The following IL1RAPL2 variants were observed in gnomAD, a reference collection of about 807,000 sequenced individuals.
The protein encoded by IL1RAPL2 is X-linked interleukin-1 receptor accessory protein-like 2.
In IL1RAPL2, 3 loss-of-function variants were observed where a neutral mutation model predicts 44.1. That is an observed-to-expected ratio of 0.07 (90% CI 0.03 to 0.18). The LOEUF (loss-of-function observed/expected upper bound fraction) is 0.18, where lower values mean the gene tolerates loss of function less well. Among genes scored for constraint, IL1RAPL2 ranks in the 10% least tolerant of loss-of-function variants. The probability of loss-of-function intolerance (pLI) is 1.00; values close to 1 mark genes in which losing one functional copy is unlikely to be tolerated. For synonymous variants in IL1RAPL2, 181 were observed against 178.8 expected, an observed-to-expected ratio of 1.01 and a Z score of -0.10; for missense variants, 391 against 496.4, an observed-to-expected ratio of 0.79 and a Z score of 2.02.
At chrX:105,634,750 T>G (rs764514296) in intron 6 of IL1RAPL2, among the ~76,000 whole-genome samples, 1 of 111,393 alleles carries the variant, frequency 9.0e-6, no homozygotes, top group Non-Finnish European at 1.9e-5. Flanking sequence ...TCACTAGTAG[T>G]CATAATAGTA....
At chrX:105,553,700 G>A (rs369884626) in intron 6 of IL1RAPL2, among the ~76,000 whole-genome samples, 6 of 111,602 alleles carry the variant, frequency 5.4e-5, no homozygotes, top group East Asian at 5.6e-4. Flanking sequence ...AAAACAAAAC[G>A]TTTCATGTAC....
intron 5 of IL1RAPL2, among the ~76,000 whole-genome samples, chrX:105,471,968 T>C (rs2036168415): frequency 9.0e-6 from 1 of 110,572 alleles, no homozygotes; most frequent in Non-Finnish European, 1.9e-5. Context: ...CTCAGAGCAG[T>C]TTTCACACCT....
intron 5 of IL1RAPL2, among the ~76,000 whole-genome samples, chrX:105,358,880 C>CA (rs2035227537): frequency 9.0e-6 from 1 of 111,377 alleles, no homozygotes; most frequent in Admixed American, 9.6e-5. Flanking sequence ...AAGTGAAAGA[C>CA]AAAATTGAGC....
chrX:105,605,141 A>T (rs1368276123), intron 6 of IL1RAPL2, among the ~76,000 whole-genome samples: 1 of 111,266 alleles, frequency 9.0e-6, no homozygotes, highest in Non-Finnish European at 1.9e-5. Flanking sequence ...CCAAATAGGA[A>T]AGGAGCAAAA....
intron 5 of IL1RAPL2, among the ~76,000 whole-genome samples, chrX:105,389,976 T>C (rs1016328308): frequency 9.0e-6 from 1 of 111,047 alleles, no homozygotes; most frequent in Non-Finnish European, 1.9e-5. Flanking sequence ...GTGAGACATA[T>C]ATAGCTCAGG....
chrX:105,321,655 A>G (rs1470870024), intron 5 of IL1RAPL2, among the ~76,000 whole-genome samples: 1 of 112,069 alleles, frequency 8.9e-6, no homozygotes, highest in African/African-American at 3.2e-5. Flanking sequence ...TGTCGGATGA[A>G]TTTATGGATT....
chrX:104,919,295 G>A (rs1404963450), intron 2 of IL1RAPL2, among the ~76,000 whole-genome samples: 3 of 106,418 alleles, frequency 2.8e-5, no homozygotes, highest in African/African-American at 1.0e-4. Flanking sequence ...GCGTGATCTC[G>A]GCTCACTGCA....
At chrX:105,479,112 A>G (rs1459037102) in intron 5 of IL1RAPL2, among the ~76,000 whole-genome samples, 1 of 111,318 alleles carries the variant, frequency 9.0e-6, no homozygotes. Context: ...TTTTTGGAGG[A>G]TAGCTAGGAC....
At chrX:105,274,379 C>A (rs1287376723) in intron 5 of IL1RAPL2, among the ~76,000 whole-genome samples, 1 of 112,062 alleles carries the variant, frequency 8.9e-6, no homozygotes, top group African/African-American at 3.2e-5. Flanking sequence ...TGTTTTGATG[C>A]CATATGGCCC....
intron 2 of IL1RAPL2, among the ~76,000 whole-genome samples, chrX:104,715,101 A>C (rs184733586): frequency 9.1e-6 from 1 of 110,255 alleles, no homozygotes; most frequent in African/African-American, 3.3e-5. Flanking sequence ...CTGTGAATCT[A>C]TCTGGTCCTG....
chrX:104,997,594 TAGAAAA>T (rs1163076049), intron 2 of IL1RAPL2, among the ~76,000 whole-genome samples: 2 of 111,584 alleles, frequency 1.8e-5, no homozygotes, highest in Non-Finnish European at 3.8e-5. Flanking sequence ...TTTCAACAGT[TAGAAAA>T]AGATAATGCT....
chrX:105,579,478 A>T (rs1416776830), intron 6 of IL1RAPL2, among the ~76,000 whole-genome samples: 1 of 111,712 alleles, frequency 9.0e-6, no homozygotes, highest in African/African-American at 3.2e-5. Context: ...TCACTGATTT[A>T]TCAGGCTGAG....
intron 6 of IL1RAPL2, among the ~76,000 whole-genome samples, chrX:105,581,067 G>A (rs973480304): frequency 1.8e-5 from 2 of 110,750 alleles, no homozygotes; most frequent in East Asian, 5.7e-4. Flanking sequence ...CTAGAAGCAC[G>A]GGCTTAACCC....
intron 1 of IL1RAPL2, among the ~76,000 whole-genome samples, chrX:104,571,946 A>G (rs1472699938): frequency 8.9e-6 from 1 of 111,961 alleles, no homozygotes. Flanking sequence ...TGTGTTTTAT[A>G]GTCTTTTGTT....
At chrX:104,903,440 C>T (rs1028798483) in intron 2 of IL1RAPL2, among the ~76,000 whole-genome samples, 2 of 107,099 alleles carry the variant, frequency 1.9e-5, no homozygotes, top group Non-Finnish European at 3.8e-5. Flanking sequence ...AATGTAAACA[C>T]CATAGTAAAA....
chrX:104,860,609 A>G (rs1482952401), intron 2 of IL1RAPL2, among the ~76,000 whole-genome samples: 2 of 110,892 alleles, frequency 1.8e-5, no homozygotes, highest in Non-Finnish European at 3.8e-5. Flanking sequence ...GAATATTTGT[A>G]TATACATAAC....
chrX:105,159,991 C>CCT (rs2033307263), intron 2 of IL1RAPL2, among the ~76,000 whole-genome samples: 1 of 99,269 alleles, frequency 1.0e-5, no homozygotes, highest in African/African-American at 3.7e-5. Context: ...AACCCCCCCC[C>CCT]CCACTCCACC....
At chrX:105,479,235 G>T (rs1156333205) in intron 5 of IL1RAPL2, among the ~76,000 whole-genome samples, 1 of 111,283 alleles carries the variant, frequency 9.0e-6, no homozygotes, top group East Asian at 2.8e-4. Flanking sequence ...GCTTGACTTT[G>T]GGCAAGTTAT....
chrX:105,093,194 AACACACAC>A (rs748741070), intron 2 of IL1RAPL2, among the ~76,000 whole-genome samples: 1 of 107,090 alleles, frequency 9.3e-6, no homozygotes, highest in African/African-American at 3.4e-5. Flanking sequence ...CACACACAGA[AACACACAC>A]ACACACACAC....
Sources: allele counts gnomAD v4.1 joint callset (sites outside exome capture counted in the v4.1 genomes callset), GRCh38; gene constraint gnomAD v4.1.1; transcripts MANE v1.5; gene names NCBI Gene and HGNC (gene_info 2026-07-23, HGNC 2026-07-21).